The following LRRC31 variants were observed in gnomAD, a reference collection of about 807,000 sequenced individuals.
LRRC31 encodes leucine rich repeat containing 31.
A neutral mutation model predicts 46.7 loss-of-function variants in LRRC31; 35 were observed. That is an observed-to-expected ratio of 0.75 (90% CI 0.57 to 0.99). The LOEUF (loss-of-function observed/expected upper bound fraction) is 0.99, where lower values mean the gene tolerates loss of function less well. Ranked by LOEUF, LRRC31 falls within the 50% of genes least tolerant of loss-of-function variation. LRRC31 has a pLI of 0.00. For synonymous variants in LRRC31, 236 were observed against 235.1 expected, an observed-to-expected ratio of 1.00 and a Z score of -0.03; for missense variants, 613 against 626.1, an observed-to-expected ratio of 0.98 and a Z score of 0.22.
At chr3:169,841,534 C>A (rs1364961892) in intron 8 of LRRC31, among the ~76,000 whole-genome samples, 2 of 152,152 alleles carry the variant, frequency 1.3e-5, no homozygotes, top group Non-Finnish European at 2.9e-5. Context: ...TCCTGTCTCG[C>A]AACATTAATC....
intron 6 of LRRC31, among the ~76,000 whole-genome samples, chr3:169,852,311 G>C (rs1780806076): frequency 6.7e-6 from 1 of 149,998 alleles, no homozygotes; most frequent in Non-Finnish European, 1.5e-5. Context: ...GCTGAGACAG[G>C]AGAATGGCGT....
At chr3:169,851,834 G>T (rs1256080595) in intron 6 of LRRC31, 48 bp from the exon 7 acceptor site, 29 of 1,581,926 alleles carry the variant, frequency 1.8e-5, no homozygotes, top group Non-Finnish European at 2.5e-5. Context: ...ATCTCACAGG[G>T]AGTCTTCTGG....
chr3:169,848,278 G>A lies in LRRC31; in HGVS notation c.1169C>T (p.Ser390Phe). 1.9e-6 allele frequency: 3 copies of A among 1,614,048 alleles called. No individual in the cohort carries two copies. The South Asian group carries it at 3.3e-5, about 18-fold the overall frequency. ...TACTTCCAGAGCAGAGAGGTGAACA[G>A]AGGCTTCAGCTAAAAGTGATAACAA... Reference protein sequence around the residue: ...SETFTALAEASVHLSALEVFN... With the variant: ...SETFTALAEAFVHLSALEVFN... The change falls in exon 8 of 9, where the codon TCT becomes TTT. Residue 390 changes from serine to phenylalanine, a missense_variant. Physicochemically the swap from Ser to Phe is radical, Grantham distance 155. Coordinates refer to ENST00000316428, the MANE Select transcript of LRRC31 (RefSeq NM_024727.4).
intron 3 of LRRC31, 28 bp from the exon 4 acceptor site, chr3:169,856,900 T>G (rs1210508470): frequency 1.0e-5 from 16 of 1,586,384 alleles, no homozygotes; most frequent in Non-Finnish European, 1.3e-5. Context: ...GAAAATTCTG[T>G]TGGTCACTAG....
chr3:169,843,090 T>C (rs983832008), intron 8 of LRRC31, among the ~76,000 whole-genome samples: 8 of 152,204 alleles, frequency 5.3e-5, no homozygotes, highest in African/African-American at 1.9e-4. Flanking sequence ...AGATTATCCA[T>C]ATGGAGTCAA....
intron 3 of LRRC31, 37 bp from the exon 4 acceptor site, chr3:169,856,909 A>C (rs1486859817): frequency 5.1e-6 from 8 of 1,569,320 alleles, no homozygotes; most frequent in Non-Finnish European, 6.9e-6. Context: ...GTTGGTCACT[A>C]GTCAGAAAAG....
chr3:169,861,801 C>G lies in LRRC31; in HGVS notation c.188G>C (p.Ser63Thr). 6.2e-7 allele frequency: 1 copy of G among 1,613,920 alleles called. No individual in the cohort carries two copies. Among genetic ancestry groups the G allele is most frequent in the Non-Finnish European group, 8.5e-7 (1 of 1,179,932 alleles). ...ACTGGATCTCCATTCCATTTCTGAA[C>G]TGAGAGGCTTAGCTGTGTGATAAGC... ...TATSETAKPL[S>T]SEMEWRSSME... The change falls in exon 2 of 9, where the codon AGT becomes ACT. Residue 63 changes from serine to threonine, a missense_variant. Ser to Thr is a moderately conservative substitution (Grantham distance 58). Coordinates refer to ENST00000316428, the MANE Select transcript of LRRC31 (RefSeq NM_024727.4).
intron 1 of LRRC31, among the ~76,000 whole-genome samples, chr3:169,865,490 T>C (rs1293245833): frequency 6.6e-6 from 1 of 152,156 alleles, no homozygotes; most frequent in Admixed American, 6.5e-5. Context: ...CTAAGTTCCT[T>C]TCCGACTGAA....
chr3:169,867,516 C>T (rs1781368633), intron 1 of LRRC31, among the ~76,000 whole-genome samples: 1 of 152,018 alleles, frequency 6.6e-6, no homozygotes, highest in South Asian at 2.1e-4. Flanking sequence ...CTCGGCCTCC[C>T]AAAGTGTTGG....
At chr3:169,852,664 G>T (rs981120094) in intron 6 of LRRC31, among the ~76,000 whole-genome samples, 3 of 152,134 alleles carry the variant, frequency 2.0e-5, no homozygotes, top group Non-Finnish European at 2.9e-5. Flanking sequence ...ACCCTCGTTC[G>T]CTATCTTTTG....
At chr3:169,850,199 A>T (rs1780715516) in intron 7 of LRRC31, among the ~76,000 whole-genome samples, 1 of 152,234 alleles carries the variant, frequency 6.6e-6, no homozygotes, top group Non-Finnish European at 1.5e-5. Flanking sequence ...ACATTAATAA[A>T]AATAAATGCA....
At chr3:169,840,495 C>A (rs771448763) in intron 8 of LRRC31, among the ~76,000 whole-genome samples, 182 bp from the exon 9 acceptor site, 1 of 152,198 alleles carries the variant, frequency 6.6e-6, no homozygotes, top group Non-Finnish European at 1.5e-5. Context: ...CTCTGTACAT[C>A]CCATCTACAG....
chr3:169,852,435 T>G, intron 6 of LRRC31, among the ~76,000 whole-genome samples: 1 of 149,560 alleles, frequency 6.7e-6, no homozygotes, highest in African/African-American at 2.5e-5. Flanking sequence ...AAAAAAACTC[T>G]TAGCCTTCTC....
intron 1 of LRRC31, among the ~76,000 whole-genome samples, chr3:169,865,249 CAAA>C (rs11310742): frequency 1.5e-5 from 2 of 133,832 alleles, no homozygotes; most frequent in Non-Finnish European, 3.3e-5. Flanking sequence ...GGCTCTATCT[CAAA>C]AAAAAAAAAA....
chr3:169,855,700 C>G (rs1291724422), intron 5 of LRRC31, among the ~76,000 whole-genome samples: 1 of 152,120 alleles, frequency 6.6e-6, no homozygotes, highest in African/African-American at 2.4e-5. Context: ...CTATTCCTTC[C>G]TACTACTGAG....
At chr3:169,850,521 C>A (rs1292464599) in intron 7 of LRRC31, among the ~76,000 whole-genome samples, 1 of 152,136 alleles carries the variant, frequency 6.6e-6, no homozygotes, top group East Asian at 1.9e-4. Context: ...AAACTGATTA[C>A]AGTTATTCTG....
chr3:169,858,632 G>A (rs982238789), intron 3 of LRRC31, among the ~76,000 whole-genome samples: 22 of 152,114 alleles, frequency 1.4e-4, no homozygotes, highest in African/African-American at 4.6e-4. Flanking sequence ...TGAGAGGGAG[G>A]TTATCCCTAT....
In LRRC31 at chr3:169,864,450, C is replaced by T. The variant is rs115986789; in HGVS notation, c.176-2637G>A. On this transcript the variant is annotated intron_variant, in intron 1 of 8. Coordinates refer to ENST00000316428, the MANE Select transcript of LRRC31 (RefSeq NM_024727.4). ...AAAAGACCTGATCCAAATCACAGGT[C>T]TGTCTGAGGAACAAGTCACTCAACC... Among the ~76,000 whole-genome samples the T allele has an allele frequency of 6.7e-3, 1,020 of 152,316 alleles. 13 individuals carry two copies. Among genetic ancestry groups the T allele is most frequent in the African/African-American group, 0.023 (953 of 41,562 alleles).
intron 8 of LRRC31, among the ~76,000 whole-genome samples, chr3:169,845,033 T>C (rs1315061520): frequency 6.6e-6 from 1 of 151,920 alleles, no homozygotes; most frequent in East Asian, 1.9e-4. Context: ...ATCCTACAGC[T>C]AACAGATGAG....
Sources: gnomAD v4.1 joint callset for allele counts (sites outside exome capture counted in the v4.1 genomes callset) on GRCh38, gnomAD v4.1.1 for gene constraint, MANE v1.5 for transcripts, NCBI Gene and HGNC (gene_info 2026-07-23, HGNC 2026-07-21) for gene names.